TMEM63C: variants seen among roughly 807,000 people sequenced by gnomAD.
TMEM63C encodes the protein transmembrane protein 63C.
TMEM63C carries 32 observed loss-of-function variants against 99.2 expected under a neutral mutation model. The ratio of observed to expected loss-of-function variants is 0.32; its 90% CI spans 0.24 to 0.43. The LOEUF (loss-of-function observed/expected upper bound fraction) is 0.43, where lower values mean the gene tolerates loss of function less well. Among genes scored for constraint, TMEM63C ranks in the 20% least tolerant of loss-of-function variants. The probability of loss-of-function intolerance (pLI) is 1.00; values close to 1 mark genes in which losing one functional copy is unlikely to be tolerated. For synonymous variants in TMEM63C, 376 were observed against 397.9 expected, an observed-to-expected ratio of 0.94 and a Z score of 0.66; for missense variants, 826 against 1,053.0, an observed-to-expected ratio of 0.78 and a Z score of 2.98.
In TMEM63C at chr14:77,248,479, A is replaced by G; in HGVS notation, c.1734A>G (p.Arg578=). The stretch of plus-strand genomic sequence containing the variant: ...ACAGCACCCGCCTCTTCTTCTCTAG[A>G]TCAGAGCCAGAGAGAGTCAACATCA... ...FCYSTRLFFS[R]SEPERVNIRK... is the part of the protein sequence containing the mutation. The change falls in exon 19 of 24, where the codon AGA becomes AGG. Residue 578 remains arginine, a synonymous_variant. Transcript: ENST00000298351. 6.3e-7 allele frequency: 1 copy of G among 1,592,886 alleles called. No homozygotes were observed. Among genetic ancestry groups the G allele is most frequent in the Non-Finnish European group, 8.5e-7 (1 of 1,169,786 alleles).
rs569541286 is a variant in TMEM63C, at chr14:77,214,513, C to A, written c.-14+1005C>A. Among the ~76,000 whole-genome samples, 16 of 152,152 alleles carry A rather than the reference C, an allele frequency of 1.1e-4. 1 individual carries two copies. In the East Asian group the frequency reaches 2.7e-3, roughly 26 times the overall value. ...AACACCACTGGCCTGGGGATGGAGA[C>A]GTGTCTTTCTTGTTCCCCTTGGCAA... is the stretch of plus-strand genomic sequence containing the variant. On this transcript the variant is annotated intron_variant, in intron 2 of 23. Coordinates refer to ENST00000298351, the MANE Select transcript of TMEM63C (RefSeq NM_020431.4).
chr14:77,254,364 G>A (rs183379440), intron 23 of TMEM63C, among the ~76,000 whole-genome samples: 137 of 152,310 alleles, frequency 9.0e-4, no homozygotes, highest in African/African-American at 3.2e-3. Flanking sequence ...AGTCACCGGA[G>A]TGCCAGGTTT....
rs1566631383 is a variant in TMEM63C, at chr14:77,248,523, C to G, written c.1764+14C>G. 1 of 1,571,596 alleles carries G rather than the reference C, an allele frequency of 6.4e-7. No homozygotes were observed. The highest frequency in any genetic ancestry group is 1.4e-5 in the African/African-American group (1 of 73,826). ...AACATCAGAAAGGTACAGACTGGCTCTCCGCTGAGCACAGCCCTCAGTTTC... is the reference window on the plus strand; with the variant it reads ...AACATCAGAAAGGTACAGACTGGCTGTCCGCTGAGCACAGCCCTCAGTTTC... On this transcript the variant is annotated intron_variant, in intron 19 of 23. Coordinates refer to ENST00000298351, the MANE Select transcript of TMEM63C (RefSeq NM_020431.4).
At chr14:77,198,702 T>C (rs944075561) in intron 1 of TMEM63C, among the ~76,000 whole-genome samples, 14 of 152,112 alleles carry the variant, frequency 9.2e-5, no homozygotes, top group African/African-American at 3.1e-4. Flanking sequence ...TAGTGGTGGT[T>C]TTTGGCAGGA....
intron 2 of TMEM63C, 98 bp from the exon 3 acceptor site, chr14:77,218,703 G>A: frequency 7.7e-7 from 1 of 1,305,758 alleles, no homozygotes; most frequent in Non-Finnish European, 1.1e-6. Flanking sequence ...CCTGGCCGAG[G>A]CACTCGGTGC....
intron 17 of TMEM63C, among the ~76,000 whole-genome samples, chr14:77,246,402 G>C (rs1889269022): frequency 6.6e-6 from 1 of 152,254 alleles, no homozygotes; most frequent in Admixed American, 6.5e-5. Flanking sequence ...GCCCAGGTTT[G>C]CTGGAGGAGG....
At chr14:77,208,093 C>A (rs531720060) in intron 1 of TMEM63C, among the ~76,000 whole-genome samples, 40 of 152,232 alleles carry the variant, frequency 2.6e-4, no homozygotes, top group African/African-American at 8.7e-4. Flanking sequence ...AATAATAGAA[C>A]CTGCCTGGTC....
chr14:77,208,441 C>T (rs70165), intron 1 of TMEM63C, among the ~76,000 whole-genome samples: 55,891 of 152,028 alleles, frequency 0.37, 11,460 homozygotes, highest in East Asian at 0.67. Context: ...AGAATCCCTT[C>T]CTGTCCTCGG....
chr14:77,226,124 G>A (rs527645395), intron 6 of TMEM63C, among the ~76,000 whole-genome samples: 66 of 152,156 alleles, frequency 4.3e-4, no homozygotes, highest in East Asian at 2.7e-3. Context: ...ATACATACAC[G>A]CACACACACG....
intron 1 of TMEM63C, among the ~76,000 whole-genome samples, chr14:77,187,502 G>T (rs1888022859): frequency 1.3e-5 from 2 of 152,204 alleles, no homozygotes; most frequent in Admixed American, 1.3e-4. Context: ...CCAGGCCCAG[G>T]CTCCACACTC....
chr14:77,249,357 C>G lies in TMEM63C; in HGVS notation c.1937C>G (p.Thr646Ser). 2 of 1,614,046 alleles carry G rather than the reference C, an allele frequency of 1.2e-6. No homozygotes were observed. Among genetic ancestry groups the G allele is most frequent in the Middle Eastern group, 3.3e-4 (2 of 6,062 alleles). Residue 646 changes from threonine to serine, a missense_variant, in exon 21 of 24, where the codon ACC (threonine) becomes AGC (serine). Thr to Ser is a moderately conservative substitution (Grantham distance 58, BLOSUM62 1). Transcript: ENST00000298351. ...RYNMYYSFAP[T>S]KLNEQIHMAA... is the part of the protein sequence containing the mutation. Reference sequence around the variant, plus strand: ...AACATGTACTACTCCTTTGCACCCACCAAACTGAACGAGCAGATCCACATG... The same window carrying G: ...AACATGTACTACTCCTTTGCACCCAGCAAACTGAACGAGCAGATCCACATG...
At chr14:77,218,721 A>G (rs1372313855) in intron 2 of TMEM63C, 80 bp from the exon 3 acceptor site, 6 of 1,485,774 alleles carry the variant, frequency 4.0e-6, no homozygotes, top group South Asian at 1.2e-5. Context: ...TGCCCATCCC[A>G]CAACTCCCCA....
chr14:77,215,614 A>AAGAAAGAAAAG (rs1555347250), intron 2 of TMEM63C, among the ~76,000 whole-genome samples: 4 of 76,528 alleles, frequency 5.2e-5, no homozygotes, highest in African/African-American at 1.1e-4. Flanking sequence ...AAAAAAAAAA[A>AAGAAAGAAAAG]AAAAGAAAAG....
chr14:77,208,200 G>C (rs897795120), intron 1 of TMEM63C, among the ~76,000 whole-genome samples: 1 of 152,152 alleles, frequency 6.6e-6, no homozygotes, highest in Non-Finnish European at 1.5e-5. Context: ...GGAATCGCAG[G>C]GTCTCGAAAT....
At chr14:77,189,452 A>T (rs965870431) in intron 1 of TMEM63C, among the ~76,000 whole-genome samples, 7 of 152,144 alleles carry the variant, frequency 4.6e-5, no homozygotes, top group Admixed American at 3.3e-4. Context: ...ACAAAACTGT[A>T]CTAGCTATGA....
chr14:77,241,696 C>T (rs1000864501), intron 13 of TMEM63C, among the ~76,000 whole-genome samples: 2 of 152,194 alleles, frequency 1.3e-5, no homozygotes, highest in Non-Finnish European at 2.9e-5. Context: ...GTTCACCTCC[C>T]GGAGGGTTGA....
At chr14:77,218,693 C>T (rs1706177782) in intron 2 of TMEM63C, 108 bp from the exon 3 acceptor site, 1 of 1,183,946 alleles carries the variant, frequency 8.4e-7, no homozygotes, top group Admixed American at 2.3e-5. Flanking sequence ...AGTGGCCTAG[C>T]CTGGCCGAGG....
chr14:77,241,710 G>GT (rs1356064204), intron 13 of TMEM63C, among the ~76,000 whole-genome samples: 3 of 152,216 alleles, frequency 2.0e-5, no homozygotes, highest in Non-Finnish European at 2.9e-5. Flanking sequence ...GGGTTGACAA[G>GT]TGATATGCCT....
intron 6 of TMEM63C, among the ~76,000 whole-genome samples, chr14:77,228,031 G>A (rs1594861096): frequency 6.6e-6 from 1 of 152,292 alleles, no homozygotes; most frequent in South Asian, 2.1e-4. Flanking sequence ...GGACGCAGGT[G>A]CATGCAGAGA....
Sources: gnomAD v4.1 joint callset for allele counts (sites outside exome capture counted in the v4.1 genomes callset) on GRCh38, gnomAD v4.1.1 for gene constraint, MANE v1.5 for transcripts, NCBI Gene and HGNC (gene_info 2026-07-23, HGNC 2026-07-21) for gene names.